The following SAMMSON variants were observed in gnomAD, a reference collection of about 807,000 sequenced individuals.
SAMMSON encodes survival associated mitochondrial melanoma specific oncogenic non-coding RNA.
chr3:70,169,700 T>C lies in SAMMSON; in HGVS notation n.508-79407T>C, dbSNP rs543306109. Reference sequence around the variant, plus strand: ...TTGATTTGCTCCCCAGAACAGTCTTTCTAGAACTCTAGGTAGACAATGCTC... The same window carrying C: ...TTGATTTGCTCCCCAGAACAGTCTTCCTAGAACTCTAGGTAGACAATGCTC... On this transcript the variant is annotated intron_variant and non_coding_transcript_variant, in intron 4 of 9. Transcript: ENST00000642114. Among the ~76,000 whole-genome samples, 8 of 151,632 alleles carry C rather than the reference T, an allele frequency of 5.3e-5. No individual in the cohort carries two copies. In the East Asian group the frequency reaches 1.6e-3, roughly 29 times the overall value.
At chr3:70,418,973 C>CCTTTCCTTTCCTTT in intron 2 of SAMMSON, among the ~76,000 whole-genome samples, 1 of 28,012 alleles carries the variant, frequency 3.6e-5, no homozygotes, top group African/African-American at 1.1e-4. Flanking sequence ...TCCTTTCCTT[C>CCTTTCCTTTCCTTT]CTTCCTTCTC....
chr3:70,213,457 A>G (rs1701369988), intron 4 of SAMMSON, among the ~76,000 whole-genome samples: 1 of 152,112 alleles, frequency 6.6e-6, no homozygotes, highest in South Asian at 2.1e-4. Context: ...TTTAAGCTAT[A>G]ATGGTGAATT....
At chr3:70,310,408 C>A (rs566902464) in intron 7 of SAMMSON, among the ~76,000 whole-genome samples, 30 of 152,050 alleles carry the variant, frequency 2.0e-4, no homozygotes, top group African/African-American at 7.0e-4. Flanking sequence ...CTCAGTCACC[C>A]AGGCTGGAGT....
intron 3 of SAMMSON, among the ~76,000 whole-genome samples, chr3:70,022,203 T>C: frequency 6.8e-6 from 1 of 146,408 alleles, no homozygotes. Flanking sequence ...TTCAGGGGAT[T>C]CAAATGACAA....
At chr3:70,089,861 T>A (rs2067299257) in intron 4 of SAMMSON, among the ~76,000 whole-genome samples, 1 of 152,142 alleles carries the variant, frequency 6.6e-6, no homozygotes, top group African/African-American at 2.4e-5. Context: ...GGGAGTCTGC[T>A]TTTCCCAGCC....
chr3:70,365,323 A>T (rs1435044464), intron 9 of SAMMSON, among the ~76,000 whole-genome samples: 1 of 151,168 alleles, frequency 6.6e-6, no homozygotes, highest in Non-Finnish European at 1.5e-5. Flanking sequence ...ACACACACAT[A>T]TATATGTGTG....
Position 70,116,319 on chromosome 3 carries a change from T to C in SAMMSON, n.507+44754T>C, listed in dbSNP as rs1213415172. Among the ~76,000 whole-genome samples, 3 of 116,116 alleles carry C rather than the reference T, an allele frequency of 2.6e-5. No homozygotes were observed. In the East Asian group the frequency reaches 8.5e-4, roughly 33 times the overall value. 76.2% of individuals were successfully genotyped at this position (116,116 alleles called of 152,430 possible). ...TTTTTTTTTTTTTTTTTAAAGAAAATAGTCTGCATTGCCCTTTTTCATTTT... is the reference window on the plus strand; with the variant it reads ...TTTTTTTTTTTTTTTTTAAAGAAAACAGTCTGCATTGCCCTTTTTCATTTT... On this transcript the variant is annotated intron_variant and non_coding_transcript_variant, in intron 4 of 9. Coordinates refer to ENST00000642114, the Ensembl canonical transcript of SAMMSON.
chr3:70,012,907 A>C lies in SAMMSON; in HGVS notation n.264+309A>C, dbSNP rs78741915. On this transcript the variant is annotated intron_variant and non_coding_transcript_variant, in intron 2 of 9. Transcript: ENST00000642114. ...TGGGGCCTCTTCTACCATACAAGGA[A>C]GCACCGTTCTTCCTTTTTATCTACC... Among the ~76,000 whole-genome samples the C allele has an allele frequency of 4.3e-3, 656 of 152,246 alleles. 11 individuals carry two copies. Among genetic ancestry groups the C allele is most frequent in the African/African-American group, 0.015 (627 of 41,532 alleles).
intron 3 of SAMMSON, chr3:70,030,216 A>T (rs538102314): frequency 1.3e-5 from 2 of 152,338 alleles, no homozygotes; most frequent in African/African-American, 2.4e-5. Flanking sequence ...ATAAAATTTT[A>T]AAAAATTTCA....
At chr3:70,293,573 G>A (rs1412990141) in intron 7 of SAMMSON, among the ~76,000 whole-genome samples, 2 of 152,062 alleles carry the variant, frequency 1.3e-5, no homozygotes, top group Non-Finnish European at 2.9e-5. Context: ...TAAAACATCT[G>A]TGCCTTACTT....
intron 4 of SAMMSON, among the ~76,000 whole-genome samples, chr3:70,221,099 A>T (rs1211870360): frequency 6.6e-6 from 1 of 152,154 alleles, no homozygotes; most frequent in East Asian, 1.9e-4. Flanking sequence ...CAGATGAGAA[A>T]TTTTCAGACG....
intron 4 of SAMMSON, among the ~76,000 whole-genome samples, chr3:70,087,083 T>G (rs951713018): frequency 6.6e-6 from 1 of 152,202 alleles, no homozygotes; most frequent in African/African-American, 2.4e-5. Flanking sequence ...AATCTTTAAC[T>G]GGCCTTTGCT....
chr3:70,039,395 C>T (rs867128254), intron 3 of SAMMSON, among the ~76,000 whole-genome samples: 8 of 152,080 alleles, frequency 5.3e-5, no homozygotes, highest in Middle Eastern at 3.4e-3. Context: ...GTGAGCCTCA[C>T]CCAGTCAGTT....
chr3:70,211,716 C>T (rs1701351827), intron 4 of SAMMSON, among the ~76,000 whole-genome samples: 3 of 142,182 alleles, frequency 2.1e-5, no homozygotes, highest in East Asian at 4.2e-4. Flanking sequence ...CTTCCCTTCC[C>T]TTCCTTTCCT....
intron 7 of SAMMSON, among the ~76,000 whole-genome samples, chr3:70,323,948 A>G (rs1373486763): frequency 3.3e-5 from 5 of 151,944 alleles, no homozygotes; most frequent in South Asian, 2.1e-4. Flanking sequence ...CTCCAGTCCA[A>G]ACTCATGGGT....
At chr3:70,402,954 T>C (rs141317926) in intron 2 of SAMMSON, among the ~76,000 whole-genome samples, 1 of 152,142 alleles carries the variant, frequency 6.6e-6, no homozygotes, top group Non-Finnish European at 1.5e-5. Context: ...ATATATATCA[T>C]GTGTATGATA....
intron 3 of SAMMSON, among the ~76,000 whole-genome samples, chr3:70,017,012 A>C (rs2066988981): frequency 6.6e-6 from 1 of 152,136 alleles, no homozygotes. Context: ...GTTTGAAGTC[A>C]GGTAGCGTGA....
intron 2 of SAMMSON, among the ~76,000 whole-genome samples, chr3:70,403,860 A>C (rs1429833921): frequency 6.6e-6 from 1 of 152,102 alleles, no homozygotes; most frequent in Non-Finnish European, 1.5e-5. Context: ...GATACTTATG[A>C]TCCTTATGTT....
chr3:70,245,124 T>C (rs147217923), intron 4 of SAMMSON, among the ~76,000 whole-genome samples: 2 of 152,286 alleles, frequency 1.3e-5, no homozygotes, highest in East Asian at 3.9e-4. Flanking sequence ...TCTCCTTTAA[T>C]AGCTATTTTA....
Sources: gnomAD v4.1 joint callset for allele counts (sites outside exome capture counted in the v4.1 genomes callset) on GRCh38, gnomAD v4.1.1 for gene constraint, MANE v1.5 for transcripts, NCBI Gene and HGNC (gene_info 2026-07-23, HGNC 2026-07-21) for gene names.